Variants in ARHGAP15 observed in about 807,000 individuals in gnomAD.
The protein encoded by ARHGAP15 is rho GTPase-activating protein 15.
ARHGAP15 carries 51 observed loss-of-function variants against 63.7 expected under a neutral mutation model. That is an observed-to-expected ratio of 0.80 (90% CI 0.64 to 1.01). The LOEUF (loss-of-function observed/expected upper bound fraction) is 1.01, where lower values mean the gene tolerates loss of function less well. Among genes scored for constraint, ARHGAP15 ranks in the 50% least tolerant of loss-of-function variants. The pLI is 0.00. For synonymous variants in ARHGAP15, 191 were observed against 193.8 expected (o/e 0.99, Z 0.12); for missense variants, 560 against 564.6 (o/e 0.99, Z 0.08).
At chr2:143,709,190 A>T (rs1399710923) in intron 13 of ARHGAP15, among the ~76,000 whole-genome samples, 1 of 152,210 alleles carries the variant, frequency 6.6e-6, no homozygotes, top group Non-Finnish European at 1.5e-5. Flanking sequence ...AGCTAAATTT[A>T]ACTAGTTGAC....
chr2:143,344,409 T>C (rs1036217278), intron 6 of ARHGAP15, among the ~76,000 whole-genome samples: 3 of 152,136 alleles, frequency 2.0e-5, no homozygotes, highest in Non-Finnish European at 2.9e-5. Flanking sequence ...AAGCCTTTAG[T>C]TATGTAATTA....
chr2:143,671,352 A>C (rs1276420346), intron 12 of ARHGAP15, among the ~76,000 whole-genome samples: 3 of 152,096 alleles, frequency 2.0e-5, no homozygotes, highest in African/African-American at 4.8e-5. Context: ...GCTCCTTAGA[A>C]TCTGTCATGA....
intron 10 of ARHGAP15, among the ~76,000 whole-genome samples, chr2:143,531,551 C>A (rs1694525286): frequency 6.6e-6 from 1 of 152,112 alleles, no homozygotes; most frequent in Admixed American, 6.6e-5. Context: ...ATGCAAACTT[C>A]AATCAAAGAA....
intron 11 of ARHGAP15, among the ~76,000 whole-genome samples, chr2:143,586,220 A>G (rs1357401072): frequency 6.6e-6 from 1 of 152,142 alleles, no homozygotes; most frequent in East Asian, 1.9e-4. Flanking sequence ...CTAAATTTTA[A>G]TAGCTACACT....
intron 5 of ARHGAP15, among the ~76,000 whole-genome samples, chr2:143,232,968 A>T (rs1248888968): frequency 6.6e-6 from 1 of 152,120 alleles, no homozygotes; most frequent in African/African-American, 2.4e-5. Context: ...TAGTTAGCCT[A>T]GGGTTACAGC....
At chr2:143,208,628 CT>C (rs1345419880) in intron 3 of ARHGAP15, among the ~76,000 whole-genome samples, 2 of 152,038 alleles carry the variant, frequency 1.3e-5, no homozygotes, top group African/African-American at 4.8e-5. Flanking sequence ...GGTGTGGTTG[CT>C]TAGAAAGTGC....
At chr2:143,749,003 G>C (rs1686271316) in intron 13 of ARHGAP15, among the ~76,000 whole-genome samples, 1 of 152,032 alleles carries the variant, frequency 6.6e-6, no homozygotes, top group Middle Eastern at 3.4e-3. Context: ...CTTTTGAGAG[G>C]GGGAAAAAAA....
chr2:143,727,797 A>AT (rs914830324), intron 13 of ARHGAP15, among the ~76,000 whole-genome samples: 12 of 151,986 alleles, frequency 7.9e-5, no homozygotes, highest in Non-Finnish European at 1.3e-4. Flanking sequence ...AGGAAACCAG[A>AT]TTTTTTTTAC....
chr2:143,183,927 T>A (rs1344292710), intron 2 of ARHGAP15, among the ~76,000 whole-genome samples: 3 of 152,164 alleles, frequency 2.0e-5, no homozygotes, highest in African/African-American at 7.2e-5. Context: ...TTTTCTCTGC[T>A]GTGATTGCCC....
intron 9 of ARHGAP15, among the ~76,000 whole-genome samples, chr2:143,511,272 AG>A (rs929136006): frequency 1.5e-4 from 23 of 152,238 alleles, no homozygotes; most frequent in Non-Finnish European, 4.4e-5. Flanking sequence ...TCTCACCAAA[AG>A]ATGCTTTCAA....
chr2:143,407,987 GTATA>G (rs58194704), intron 6 of ARHGAP15, among the ~76,000 whole-genome samples: 1,938 of 76,396 alleles, frequency 0.025, 32 homozygotes, highest in African/African-American at 0.044. Flanking sequence ...TTCTGTGTGT[GTATA>G]TATATATATA....
chr2:143,726,188 C>G (rs1188356130), intron 13 of ARHGAP15, among the ~76,000 whole-genome samples: 5 of 152,152 alleles, frequency 3.3e-5, no homozygotes, highest in African/African-American at 1.2e-4. Context: ...TCTGCAAATC[C>G]TAGTAAACAA....
chr2:143,178,359 T>G (rs1691089686), intron 2 of ARHGAP15, among the ~76,000 whole-genome samples: 2 of 152,304 alleles, frequency 1.3e-5, no homozygotes, highest in South Asian at 4.1e-4. Context: ...AAGGATGAAA[T>G]TTTTCTTATT....
intron 3 of ARHGAP15, among the ~76,000 whole-genome samples, chr2:143,208,835 T>G (rs1339459867): frequency 6.6e-6 from 1 of 152,172 alleles, no homozygotes; most frequent in Non-Finnish European, 1.5e-5. Context: ...TTGTTTATTT[T>G]TATCAACAGA....
intron 6 of ARHGAP15, among the ~76,000 whole-genome samples, chr2:143,339,667 TATTAAA>T (rs1308148233): frequency 2.0e-5 from 3 of 152,170 alleles, no homozygotes; most frequent in Non-Finnish European, 2.9e-5. Flanking sequence ...CTGTCCATTT[TATTAAA>T]ATTATCCTAG....
chr2:143,703,457 T>C lies in ARHGAP15; in HGVS notation c.1177T>C (p.Ser393Pro), dbSNP rs1441222407. ...DNNTRIEAVK[S>P]LVQKLPPPNR... ...CAACACAAGAATTGAAGCTGTAAAA[T>C]CTCTTGTACAAAAACTCCCTCCGCC... is the stretch of plus-strand genomic sequence containing the variant. The change falls in exon 13 of 14, where the codon TCT (serine) becomes CCT (proline). Residue 393 changes from serine to proline, a missense_variant. Coordinates refer to ENST00000295095, the MANE Select transcript of ARHGAP15 (RefSeq NM_018460.4). The C allele has an allele frequency of 6.2e-7, 1 of 1,612,054 alleles. No individual in the cohort carries two copies. The highest frequency in any genetic ancestry group is 1.1e-5 in the South Asian group (1 of 90,598).
At chr2:143,674,451 A>C (rs757265393) in intron 12 of ARHGAP15, among the ~76,000 whole-genome samples, 1 of 152,206 alleles carries the variant, frequency 6.6e-6, no homozygotes, top group Non-Finnish European at 1.5e-5. Flanking sequence ...AAATCAGAAC[A>C]ATAGTTGCAT....
At chr2:143,408,245 T>C (rs1342061857) in intron 6 of ARHGAP15, among the ~76,000 whole-genome samples, 1 of 149,698 alleles carries the variant, frequency 6.7e-6, no homozygotes, top group Admixed American at 6.6e-5. Flanking sequence ...TCCTCCTCCT[T>C]TTCTTCTCTC....
intron 6 of ARHGAP15, among the ~76,000 whole-genome samples, chr2:143,386,628 A>G (rs1358624456): frequency 2.0e-5 from 3 of 152,198 alleles, no homozygotes; most frequent in African/African-American, 4.8e-5. Context: ...TACACATACA[A>G]TGCTAGAGTG....
Sources: allele counts gnomAD v4.1 joint callset (sites outside exome capture counted in the v4.1 genomes callset), GRCh38; gene constraint gnomAD v4.1.1; transcripts MANE v1.5; gene names NCBI Gene and HGNC (gene_info 2026-07-23, HGNC 2026-07-21).